The following ROBO2 variants were observed in gnomAD, a reference collection of about 807,000 sequenced individuals.
The protein encoded by ROBO2 is roundabout homolog 2.
In ROBO2, 53 loss-of-function variants were observed where a neutral mutation model predicts 160.8. The ratio of observed to expected loss-of-function variants is 0.33; its 90% CI spans 0.26 to 0.41. The LOEUF (loss-of-function observed/expected upper bound fraction) is 0.41. ROBO2 is among the 10% of genes least tolerant of loss of function. The pLI, the probability that ROBO2 is intolerant of heterozygous loss-of-function variation, is 1.00. For synonymous variants in ROBO2, 664 were observed against 611.7 expected (o/e 1.09, Z -1.26); for missense variants, 1,577 against 1,722.4 (o/e 0.92, Z 1.49).
chr3:76,715,673 T>C (rs1194669516), intron 2 of ROBO2, among the ~76,000 whole-genome samples: 2 of 152,206 alleles, frequency 1.3e-5, no homozygotes, highest in African/African-American at 4.8e-5. Context: ...GCCATGAGAA[T>C]GAAAGAAACC....
chr3:77,197,775 G>T (rs964385340), intron 2 of ROBO2, among the ~76,000 whole-genome samples: 1 of 152,162 alleles, frequency 6.6e-6, no homozygotes, highest in Non-Finnish European at 1.5e-5. Flanking sequence ...GATTTAATTA[G>T]GGCCTTGAAA....
intron 2 of ROBO2, among the ~76,000 whole-genome samples, chr3:76,258,671 C>T (rs1043228412): frequency 3.3e-5 from 5 of 151,924 alleles, no homozygotes; most frequent in Admixed American, 3.3e-4. Flanking sequence ...TTTAAATTTT[C>T]AGATATTTTT....
At chr3:76,875,842 T>C (rs1401598585) in intron 2 of ROBO2, among the ~76,000 whole-genome samples, 1 of 152,002 alleles carries the variant, frequency 6.6e-6, no homozygotes, top group African/African-American at 2.4e-5. Context: ...TTAGTAGAGA[T>C]GGGGTTTCAC....
At chr3:76,570,458 AACTC>A (rs1324409606) in intron 2 of ROBO2, among the ~76,000 whole-genome samples, 2 of 152,234 alleles carry the variant, frequency 1.3e-5, no homozygotes, top group Admixed American at 6.5e-5. Context: ...GCTTTAAAAT[AACTC>A]AATTATCAAA....
intron 2 of ROBO2, among the ~76,000 whole-genome samples, chr3:77,287,254 C>T (rs2060670340): frequency 6.6e-6 from 1 of 151,838 alleles, no homozygotes; most frequent in Non-Finnish European, 1.5e-5. Flanking sequence ...TGTGCCCTTG[C>T]AAAAAAATCT....
chr3:76,124,059 G>T (rs1045721855), intron 2 of ROBO2, among the ~76,000 whole-genome samples: 3 of 151,656 alleles, frequency 2.0e-5, no homozygotes, highest in Non-Finnish European at 4.4e-5. Context: ...AAAATAATGA[G>T]TTTTTTTGTT....
At chr3:76,971,094 T>C (rs995351224) in intron 2 of ROBO2, among the ~76,000 whole-genome samples, 2 of 152,196 alleles carry the variant, frequency 1.3e-5, no homozygotes, top group Non-Finnish European at 2.9e-5. Context: ...TAAATTAATG[T>C]ATATTCACTT....
At chr3:76,774,599 C>A (rs1183501536) in intron 2 of ROBO2, among the ~76,000 whole-genome samples, 1 of 150,666 alleles carries the variant, frequency 6.6e-6, no homozygotes, top group Non-Finnish European at 1.5e-5. Flanking sequence ...GTAAAACTGC[C>A]AGAGATCTTC....
At chr3:77,630,959 T>G (rs927846923) in intron 23 of ROBO2, 1 of 150,130 alleles carries the variant, frequency 6.7e-6, no homozygotes, top group African/African-American at 2.5e-5. Context: ...TTCTTTGATT[T>G]TTTTCTTATC....
At chr3:76,180,629 C>A (rs1467530485) in intron 2 of ROBO2, among the ~76,000 whole-genome samples, 1 of 152,130 alleles carries the variant, frequency 6.6e-6, no homozygotes, top group Non-Finnish European at 1.5e-5. Flanking sequence ...TCCTTCTATG[C>A]CTGCTGCAAC....
chr3:76,958,092 G>T (rs2079405048), intron 2 of ROBO2, among the ~76,000 whole-genome samples: 1 of 152,112 alleles, frequency 6.6e-6, no homozygotes, highest in African/African-American at 2.4e-5. Flanking sequence ...AAAGACAAAA[G>T]AATAACTATT....
At chr3:76,983,302 A>T (rs2060196546) in intron 2 of ROBO2, among the ~76,000 whole-genome samples, 1 of 152,110 alleles carries the variant, frequency 6.6e-6, no homozygotes, top group Non-Finnish European at 1.5e-5. Context: ...AAAAATTATA[A>T]AGTGTACATA....
chr3:76,052,674 T>G (rs374142015), intron 2 of ROBO2, among the ~76,000 whole-genome samples: 212 of 152,164 alleles, frequency 1.4e-3, no homozygotes, highest in Non-Finnish European at 2.3e-3. Context: ...TTCACTATGT[T>G]GATGTCTTTT....
At chr3:77,303,878 T>A (rs2062869185) in intron 2 of ROBO2, among the ~76,000 whole-genome samples, 1 of 152,076 alleles carries the variant, frequency 6.6e-6, no homozygotes, top group African/African-American at 2.4e-5. Flanking sequence ...TCTGTAGGAT[T>A]ACTAAACATT....
chr3:76,484,870 A>G (rs972849802), intron 2 of ROBO2, among the ~76,000 whole-genome samples: 3 of 152,208 alleles, frequency 2.0e-5, no homozygotes, highest in Non-Finnish European at 4.4e-5. Flanking sequence ...AATATTGATT[A>G]TAAAACCCTA....
intron 13 of ROBO2, 131 bp from the exon 15 acceptor site, chr3:77,574,368 C>A: frequency 1.3e-6 from 1 of 752,932 alleles, no homozygotes; most frequent in Non-Finnish European, 2.3e-6. Context: ...GAGAGATTAG[C>A]TAGAAAGTCA....
intron 2 of ROBO2, among the ~76,000 whole-genome samples, chr3:76,260,044 C>G (rs1706647423): frequency 6.6e-6 from 1 of 152,138 alleles, no homozygotes; most frequent in South Asian, 2.1e-4. Context: ...CAAGGTTATT[C>G]TGGATTCCTA....
intron 1 of ROBO2, among the ~76,000 whole-genome samples, chr3:77,053,991 C>A (rs1471986915): frequency 6.6e-6 from 1 of 152,162 alleles, no homozygotes; most frequent in Non-Finnish European, 1.5e-5. Flanking sequence ...GATTCTCTTT[C>A]AATGAATGTG....
At chr3:76,427,132 C>T (rs1013933809) in intron 2 of ROBO2, among the ~76,000 whole-genome samples, 2 of 152,068 alleles carry the variant, frequency 1.3e-5, no homozygotes, top group African/African-American at 2.4e-5. Flanking sequence ...AATACAAATG[C>T]CCTTCACAAT....
Sources: allele counts gnomAD v4.1 joint callset (sites outside exome capture counted in the v4.1 genomes callset), GRCh38; gene constraint gnomAD v4.1.1; transcripts MANE v1.5; gene names NCBI Gene and HGNC (gene_info 2026-07-23, HGNC 2026-07-21).